Variants in LRCH1 observed in about 807,000 individuals in gnomAD.
The protein encoded by LRCH1 is leucine rich repeats and calponin homology domain containing 1, also known as leucine-rich repeat and calponin homology domain-containing protein 1.
In LRCH1, 23 loss-of-function variants were observed where a neutral mutation model predicts 94.9. That is an observed-to-expected ratio of 0.24 (90% CI 0.17 to 0.34). LRCH1 has a LOEUF of 0.34. Among genes scored for constraint, LRCH1 ranks in the 10% least tolerant of loss-of-function variants. The pLI is 1.00. For synonymous variants in LRCH1, 364 were observed against 354.9 expected (o/e 1.03, Z -0.29); for missense variants, 790 against 945.9 (o/e 0.84, Z 2.16).
chr13:46,742,308 A>G lies in LRCH1; in HGVS notation c.*460A>G. The G allele has an allele frequency of 1.0e-6, 1 of 1,003,628 alleles. No individual in the cohort carries two copies. Among genetic ancestry groups the G allele is most frequent in the Non-Finnish European group, 1.2e-6 (1 of 840,452 alleles). 62.2% of individuals were successfully genotyped at this position (1,003,628 alleles called of 1,614,324 possible). On this transcript the variant is annotated 3_prime_UTR_variant, in exon 20 of 20. Coordinates refer to ENST00000389797, the MANE Select transcript of LRCH1 (RefSeq NM_001164211.2). ...TTGAGCTGTATAGGGGCCACCTTGC[A>G]GGGAGGACAGAAAACTAACATTTTG...
At chr13:46,647,805 T>C (rs1044145671) in intron 1 of LRCH1, among the ~76,000 whole-genome samples, 1 of 151,838 alleles carries the variant, frequency 6.6e-6, no homozygotes, top group Non-Finnish European at 1.5e-5. Flanking sequence ...TTTTTTTTTT[T>C]TTTTTTCGTT....
intron 4 of LRCH1, among the ~76,000 whole-genome samples, chr13:46,683,536 AC>A (rs1566223302): frequency 1.3e-5 from 2 of 152,206 alleles, no homozygotes. Context: ...TATGCATACA[AC>A]CTTTTATGAG....
chr13:46,748,215 A>G (rs764368943), downstream of LRCH1, among the ~76,000 whole-genome samples: 3 of 150,034 alleles, frequency 2.0e-5, no homozygotes, highest in Non-Finnish European at 4.4e-5. Context: ...ATCCTTTCCC[A>G]TCCATTTATC....
intron 3 of LRCH1, among the ~76,000 whole-genome samples, chr13:46,669,937 A>G (rs762215154): frequency 7.9e-5 from 12 of 152,226 alleles, no homozygotes; most frequent in Non-Finnish European, 1.5e-4. Flanking sequence ...TGAAAAGGGC[A>G]CAGTACCTGT....
At chr13:46,582,716 G>T (rs1416299619) in intron 1 of LRCH1, among the ~76,000 whole-genome samples, 1 of 132,512 alleles carries the variant, frequency 7.5e-6, no homozygotes, top group East Asian at 2.3e-4. Context: ...GCCCAGGCTG[G>T]TCTTGAACTT....
Position 46,715,602 on chromosome 13 carries a change from C to A in LRCH1, c.1697C>A (p.Thr566Lys), listed in dbSNP as rs1307391654. Residue 566 changes from threonine (T) to lysine (K), a missense_variant, in exon 16 of 20, where the codon ACA (threonine) becomes AAA (lysine). Coordinates refer to ENST00000389797, the MANE Select transcript of LRCH1 (RefSeq NM_001164211.2). The part of the protein sequence containing the change: ...ILPPISFNTL[T>K]QAQTWDSSSY... The stretch of plus-strand genomic sequence containing the variant: ...CCTCCTATCTCCTTCAACACACTTA[C>A]ACAGGCACAGACATGGGACAGCTCT... The A allele has an allele frequency of 1.3e-6, 2 of 1,537,158 alleles. No individual in the cohort carries two copies. Among genetic ancestry groups the A allele is most frequent in the Non-Finnish European group, 1.7e-6 (2 of 1,146,862 alleles).
chr13:46,751,168 T>C (rs1874118888), exon 19 of LRCH1: 1 of 152,192 alleles, frequency 6.6e-6, no homozygotes, highest in Non-Finnish European at 1.5e-5. Flanking sequence ...TTATTCATCC[T>C]TTGGATGCAA....
chr13:46,704,116 A>C (rs1871629195), intron 11 of LRCH1, among the ~76,000 whole-genome samples: 1 of 152,140 alleles, frequency 6.6e-6, no homozygotes, highest in Non-Finnish European at 1.5e-5. Context: ...TAACTATTAT[A>C]ATATGACATC....
intron 1 of LRCH1, among the ~76,000 whole-genome samples, chr13:46,554,611 T>G (rs925458247): frequency 6.6e-6 from 1 of 152,264 alleles, no homozygotes; most frequent in Admixed American, 6.5e-5. Context: ...CGTCATGTGT[T>G]ACATACTTCT....
chr13:46,624,672 T>C (rs1216142922), intron 1 of LRCH1, among the ~76,000 whole-genome samples: 1 of 152,086 alleles, frequency 6.6e-6, no homozygotes, highest in Non-Finnish European at 1.5e-5. Context: ...ACAGATGAGG[T>C]AGGGGAGCCT....
chr13:46,753,035 G>T (rs1240562824), exon 19 of LRCH1: 1 of 150,994 alleles, frequency 6.6e-6, no homozygotes, highest in Non-Finnish European at 1.5e-5. Context: ...TCTTGGATTT[G>T]TACAAACCAC....
At position 46,648,380 on chromosome 13, in the gene LRCH1, C is replaced by T. The variant is rs548817253; in HGVS notation, c.308-1821C>T. ...TGTGCAGACCTGTACCAGTCTGGTC[C>T]GTGGCCTTGATTTCCATATGTATGT... On this transcript the variant is annotated intron_variant, in intron 1 of 19. Transcript: ENST00000389797. Among the ~76,000 whole-genome samples, 10 of 152,272 alleles carry T rather than the reference C, an allele frequency of 6.6e-5. No individual in the cohort carries two copies. In the South Asian group the frequency reaches 1.7e-3, roughly 25 times the overall value.
chr13:46,665,289 A>G (rs1259074804), intron 2 of LRCH1, among the ~76,000 whole-genome samples: 1 of 152,224 alleles, frequency 6.6e-6, no homozygotes, highest in African/African-American at 2.4e-5. Context: ...GACTCAAACT[A>G]TGGACATCAA....
intron 1 of LRCH1, among the ~76,000 whole-genome samples, chr13:46,623,693 G>GTTTTTTTTTTTTTTTTTTT (rs5803361): frequency 3.7e-4 from 47 of 128,458 alleles, no homozygotes; most frequent in African/African-American, 4.1e-4. Flanking sequence ...CCCTGTCTCT[G>GTTTTTTTTTTTTTTTTTTT]TTTTTTTTTT....
At chr13:46,734,661 G>T (rs903969431) in intron 19 of LRCH1, among the ~76,000 whole-genome samples, 2 of 152,136 alleles carry the variant, frequency 1.3e-5, no homozygotes, top group African/African-American at 4.8e-5. Context: ...ATGGCTGGGG[G>T]CTTTTAAAGA....
intron 16 of LRCH1, among the ~76,000 whole-genome samples, chr13:46,718,409 T>G (rs919129390): frequency 2.0e-5 from 3 of 152,218 alleles, no homozygotes; most frequent in African/African-American, 7.2e-5. Flanking sequence ...GGCTCTTAAC[T>G]CTGGTTTTAT....
At chr13:46,666,314 C>T (rs927201018) in intron 2 of LRCH1, among the ~76,000 whole-genome samples, 6 of 152,228 alleles carry the variant, frequency 3.9e-5, no homozygotes, top group Admixed American at 6.5e-5. Context: ...AGTACCCACT[C>T]TGGAAGATTT....
intron 1 of LRCH1, among the ~76,000 whole-genome samples, chr13:46,591,291 T>C (rs1435525187): frequency 6.6e-6 from 1 of 152,192 alleles, no homozygotes; most frequent in African/African-American, 2.4e-5. Context: ...GATAAGCATA[T>C]ATATGTGTTA....
chr13:46,594,284 TAAAC>T (rs1368508700), intron 1 of LRCH1, among the ~76,000 whole-genome samples: 1 of 146,326 alleles, frequency 6.8e-6, no homozygotes, highest in Non-Finnish European at 1.5e-5. Context: ...CTGAAGAAAA[TAAAC>T]AGAGACTGTA....
Sources: allele counts gnomAD v4.1 joint callset (sites outside exome capture counted in the v4.1 genomes callset), GRCh38; gene constraint gnomAD v4.1.1; transcripts MANE v1.5; gene names NCBI Gene and HGNC (gene_info 2026-07-23, HGNC 2026-07-21).